Variants in EPAS1 observed in about 807,000 individuals in gnomAD.
EPAS1 encodes the protein endothelial PAS domain-containing protein 1.
EPAS1 carries 23 observed loss-of-function variants against 87.9 expected under a neutral mutation model. The observed-to-expected ratio is 0.26, with a 90% CI of 0.19 to 0.37. The LOEUF (loss-of-function observed/expected upper bound fraction) is 0.37. EPAS1 is among the 10% of genes least tolerant of loss of function. The pLI is 1.00. For missense variants in EPAS1, 1,138 were observed against 1,120.7 expected (o/e 1.02, Z -0.22); for synonymous variants, 508 against 444.3 (o/e 1.14, Z -1.80).
chr2:46,359,256 T>TTAAAAAAAAAAAAAA (rs1558601441), intron 4 of EPAS1, among the ~76,000 whole-genome samples: 2 of 16,054 alleles, frequency 1.2e-4, no homozygotes, highest in Non-Finnish European at 1.7e-4. Flanking sequence ...AGATTCTGTC[T>TTAAAAAAAAAAAAAA]CAAAAAAAAA....
In EPAS1 at chr2:46,375,228, T is replaced by C. The variant is rs1684718788; in HGVS notation, c.887-462T>C. 6.7e-6 allele frequency among the ~76,000 whole-genome samples: 1 copy of C among 148,686 alleles called. No individual in the cohort carries two copies. The highest frequency in any genetic ancestry group is 2.5e-5 in the African/African-American group (1 of 40,284). ...AAAAAACTGCCCTGAGGTCAGGCTT[T>C]CTCCAGGCTGCTTAGAAGTCCCCCC... On this transcript the variant is annotated intron_variant, in intron 7 of 15. Transcript: ENST00000263734. The surrounding 1 kb of genome is among the most constrained non-coding windows in gnomAD (Gnocchi z 4.1).
At chr2:46,307,842 A>G (rs992673137) in intron 1 of EPAS1, among the ~76,000 whole-genome samples, 4 of 152,188 alleles carry the variant, frequency 2.6e-5, no homozygotes, top group African/African-American at 9.6e-5. Flanking sequence ...GGATTGTCCT[A>G]TCCTCGGAGC....
intron 7 of EPAS1, among the ~76,000 whole-genome samples, chr2:46,373,398 TGGATAAA>T (rs1684668318): frequency 6.6e-6 from 1 of 152,158 alleles, no homozygotes; most frequent in African/African-American, 2.4e-5. Context: ...AACAGGCAGA[TGGATAAA>T]CAAATTATGG....
chr2:46,323,447 G>T (rs936186929), intron 1 of EPAS1, among the ~76,000 whole-genome samples: 1 of 152,158 alleles, frequency 6.6e-6, no homozygotes, highest in Non-Finnish European at 1.5e-5. Context: ...TATATCTTGC[G>T]CACCCAACAG....
chr2:46,336,294 TTCCC>T (rs1683793623), intron 1 of EPAS1, among the ~76,000 whole-genome samples: 1 of 152,154 alleles, frequency 6.6e-6, no homozygotes, highest in Non-Finnish European at 1.5e-5. Context: ...GTCTGTGCCC[TTCCC>T]CTGGTACTTA....
intron 1 of EPAS1, among the ~76,000 whole-genome samples, chr2:46,311,362 A>C (rs529960887): frequency 7.2e-5 from 11 of 152,230 alleles, no homozygotes; most frequent in African/African-American, 2.6e-4. Context: ...AGGGCCCTCT[A>C]CAGTTAGGTG....
At chr2:46,361,386 G>C (rs149748899) in intron 6 of EPAS1, among the ~76,000 whole-genome samples, 35 of 152,278 alleles carry the variant, frequency 2.3e-4, no homozygotes, top group African/African-American at 7.9e-4. Flanking sequence ...TCAGGCTCCT[G>C]AGGAAATTCT....
chr2:46,305,313 GTTTTTTCTAA>G (rs1683088016), intron 1 of EPAS1, among the ~76,000 whole-genome samples: 1 of 152,154 alleles, frequency 6.6e-6, no homozygotes, highest in East Asian at 1.9e-4. Context: ...AAGTGACCTT[GTTTTTTCTAA>G]TTTCTTAAGA....
Position 46,371,324 on chromosome 2 carries a change from AC to A in EPAS1, c.886+1394del, listed in dbSNP as rs1684623239. On this transcript the variant is annotated intron_variant, in intron 7 of 15. Coordinates refer to ENST00000263734, the MANE Select transcript of EPAS1 (RefSeq NM_001430.5). This position sits in a 1 kb window ranked among gnomAD's most constrained non-coding sequence, Gnocchi z 4.3. ...CGCAAGCTGTATGTGAACATGGTTA[AC>A]CCACTCTTAAGGAGTGAGATCTTTC... is the stretch of plus-strand genomic sequence containing the variant. Among the ~76,000 whole-genome samples, 1 of 152,174 alleles carries A rather than the reference AC, an allele frequency of 6.6e-6. No homozygotes were observed. Among genetic ancestry groups the A allele is most frequent in the Non-Finnish European group, 1.5e-5 (1 of 68,030 alleles).
chr2:46,299,649 C>T (rs1682957485), intron 1 of EPAS1, among the ~76,000 whole-genome samples: 1 of 152,168 alleles, frequency 6.6e-6, no homozygotes, highest in African/African-American at 2.4e-5. Context: ...TGGCAATCGC[C>T]GAGGTGGGGC....
intron 1 of EPAS1, among the ~76,000 whole-genome samples, chr2:46,306,885 G>T (rs1234042550): frequency 6.6e-6 from 1 of 152,138 alleles, no homozygotes; most frequent in South Asian, 2.1e-4. Flanking sequence ...AAAATTTTGG[G>T]TCAAAGCATG....
At chr2:46,367,775 T>C (rs999604594) in intron 6 of EPAS1, among the ~76,000 whole-genome samples, 1 of 152,238 alleles carries the variant, frequency 6.6e-6, no homozygotes, top group Admixed American at 6.5e-5. Context: ...GCTCCTTGTT[T>C]GACAAAGGCT....
chr2:46,357,499 C>G (rs773566217), intron 4 of EPAS1, among the ~76,000 whole-genome samples: 1 of 152,210 alleles, frequency 6.6e-6, no homozygotes, highest in African/African-American at 2.4e-5. Context: ...CTCCCAGAAG[C>G]ACTAAAGTGG....
At chr2:46,328,928 TA>T (rs1008744383) in intron 1 of EPAS1, among the ~76,000 whole-genome samples, 25 of 152,236 alleles carry the variant, frequency 1.6e-4, no homozygotes, top group Middle Eastern at 3.4e-3. Context: ...TTTTTGTTCA[TA>T]AAAAAAATTA....
At chr2:46,361,221 G>A (rs564127664) in intron 6 of EPAS1, 131 bp downstream of exon 6, 20 of 1,016,794 alleles carry the variant, frequency 2.0e-5, no homozygotes, top group Non-Finnish European at 2.9e-6. Flanking sequence ...TCGTGGACCT[G>A]TGCCACTGTT....
rs1478693667 is a variant in EPAS1, at chr2:46,346,019, A to C, written c.27-854A>C. On this transcript the variant is annotated intron_variant, in intron 1 of 15. Transcript: ENST00000263734. The surrounding 1 kb of genome is among the most constrained non-coding windows in gnomAD (Gnocchi z 4.0). ...TAAATGATTTATTTACAGAGCTAACAAGCAGAGAAGTTAGAACTCCAATCT... is the reference window on the plus strand; with the variant it reads ...TAAATGATTTATTTACAGAGCTAACCAGCAGAGAAGTTAGAACTCCAATCT... Among the ~76,000 whole-genome samples the C allele has an allele frequency of 6.6e-6, 1 of 152,244 alleles. No homozygotes were observed. The highest frequency in any genetic ancestry group is 2.4e-5 in the African/African-American group (1 of 41,462).
intron 1 of EPAS1, among the ~76,000 whole-genome samples, chr2:46,308,608 TTAAA>T (rs1465354318): frequency 6.6e-6 from 1 of 152,102 alleles, no homozygotes; most frequent in African/African-American, 2.4e-5. Flanking sequence ...TTATTTCCCT[TTAAA>T]AAGAAAGAAA....
intron 1 of EPAS1, among the ~76,000 whole-genome samples, chr2:46,331,768 G>C (rs751786360): frequency 6.6e-6 from 1 of 151,934 alleles, no homozygotes; most frequent in Non-Finnish European, 1.5e-5. Flanking sequence ...AGACTACTCA[G>C]GGAGAGCCAC....
rs930189781 is a variant in EPAS1, at chr2:46,300,209, T to G, written c.26+2272T>G. Among the ~76,000 whole-genome samples the G allele has an allele frequency of 1.3e-5, 2 of 152,216 alleles. No homozygotes were observed. The highest frequency in any genetic ancestry group is 1.5e-5 in the Non-Finnish European group (1 of 68,040). ...TGTGAACCAATACATTGAAAGTTGG[T>G]GTTGTCATGTAAGTGACTGCTGTAG... is the stretch of plus-strand genomic sequence containing the variant. On this transcript the variant is annotated intron_variant, in intron 1 of 15. Transcript: ENST00000263734. The surrounding 1 kb of genome is among the most constrained non-coding windows in gnomAD (Gnocchi z 4.1).
Sources: allele counts gnomAD v4.1 joint callset (sites outside exome capture counted in the v4.1 genomes callset), GRCh38; gene constraint gnomAD v4.1.1; non-coding constraint Gnocchi (gnomAD v3.1); transcripts MANE v1.5; gene names NCBI Gene and HGNC (gene_info 2026-07-23, HGNC 2026-07-21).